Variants in SNX19 observed in about 807,000 individuals in gnomAD.
The protein encoded by SNX19 is sorting nexin-19.
In SNX19, 60 loss-of-function variants were observed where a neutral mutation model predicts 85.2. That is an observed-to-expected ratio of 0.70 (90% confidence interval 0.57 to 0.87). The LOEUF (loss-of-function observed/expected upper bound fraction) is 0.87, where lower values mean the gene tolerates loss of function less well. SNX19 is among the 40% of genes least tolerant of loss of function. The pLI is 0.00. For synonymous variants in SNX19, 520 were observed against 470.0 expected (o/e 1.11, Z -1.38); for missense variants, 1,201 against 1,217.8 (o/e 0.99, Z 0.21).
intron 8 of SNX19, among the ~76,000 whole-genome samples, chr11:130,885,230 C>G (rs1377969620): frequency 6.6e-6 from 1 of 152,160 alleles, no homozygotes; most frequent in African/African-American, 2.4e-5. Context: ...CCAAGACATT[C>G]AAGAGCTTCC....
Position 130,876,771 on chromosome 11 carries a change from C to CAA in SNX19, c.*1649_*1650dup, listed in dbSNP as rs1214481260. On this transcript the variant is annotated 3_prime_UTR_variant, in exon 11 of 11. Coordinates refer to ENST00000265909, the MANE Select transcript of SNX19 (RefSeq NM_014758.3). ...GAGATGCTGAGCTACCTTTTCTTGT[C>CAA]AAAGTCTAGGGCTGGAGATGCTTCA... 1 of 152,644 alleles carries CAA rather than the reference C, an allele frequency of 6.6e-6. No homozygotes were observed. Among genetic ancestry groups the CAA allele is most frequent in the Non-Finnish European group, 1.5e-5 (1 of 68,072 alleles). 9.5% of individuals were successfully genotyped at this position (152,644 alleles called of 1,614,324 possible).
chr11:130,906,815 G>C, intron 5 of SNX19, 94 bp from the exon 6 acceptor site: 1 of 883,064 alleles, frequency 1.1e-6, no homozygotes, highest in South Asian at 1.4e-5. Context: ...AACACAACAA[G>C]AATATCCATA....
chr11:130,908,136 C>A (rs1203293749), intron 4 of SNX19, 53 bp from the exon 5 acceptor site: 16 of 1,596,682 alleles, frequency 1.0e-5, no homozygotes, highest in Middle Eastern at 1.7e-4. Flanking sequence ...AGATGGAAAC[C>A]GCCAAGCAAG....
chr11:130,906,199 T>C (rs1945657164), intron 6 of SNX19, 66 bp from the exon 7 acceptor site: 2 of 1,517,986 alleles, frequency 1.3e-6, no homozygotes, highest in Middle Eastern at 3.5e-4. Flanking sequence ...TGCAGCACTC[T>C]AGGTTTCCCT....
intron 8 of SNX19, among the ~76,000 whole-genome samples, chr11:130,888,017 G>C (rs1269187873): frequency 6.6e-6 from 1 of 151,574 alleles, no homozygotes; most frequent in Non-Finnish European, 1.5e-5. Flanking sequence ...GATTGTGTTA[G>C]CTTTTTGGCA....
chr11:130,904,669 T>C (rs1212001681), intron 7 of SNX19, among the ~76,000 whole-genome samples: 1 of 150,974 alleles, frequency 6.6e-6, no homozygotes, highest in African/African-American at 2.4e-5. Context: ...TACCACCAAG[T>C]CAGTTGCCTT....
At chr11:130,890,832 T>A (rs1300774658) in intron 8 of SNX19, among the ~76,000 whole-genome samples, 1 of 152,050 alleles carries the variant, frequency 6.6e-6, no homozygotes, top group African/African-American at 2.4e-5. Context: ...CTACAACTCC[T>A]ATTTATAAGT....
At chr11:130,900,989 G>A (rs547255425) in intron 8 of SNX19, among the ~76,000 whole-genome samples, 1 of 152,302 alleles carries the variant, frequency 6.6e-6, no homozygotes, top group African/African-American at 2.4e-5. Flanking sequence ...TGTATAAGCT[G>A]CTGGGGAGAC....
rs1313588883 is a variant in SNX19 at position 130,915,285 on chromosome 11, A to G, written c.655T>C (p.Leu219=). ...GGCTTGGGCACCAGCCCTTGAAGCAACAAATTCACAACGCCACGCGTATAG... is the reference window on the plus strand; with the variant it reads ...GGCTTGGGCACCAGCCCTTGAAGCAGCAAATTCACAACGCCACGCGTATAG... ...VTYTRGVVNL[L]LQGLVPKPHL... The change falls in exon 1 of 11, where the codon TTG becomes CTG. Residue 219 remains leucine, a synonymous_variant. Transcript: ENST00000265909. 6.2e-7 allele frequency: 1 copy of G among 1,614,248 alleles called. No individual in the cohort carries two copies. Among genetic ancestry groups the G allele is most frequent in the Admixed American group, 1.7e-5 (1 of 60,036 alleles).
rs1946375477 is a variant in SNX19 at position 130,914,428 on chromosome 11, G to A, written c.1512C>T (p.Ser504=). The A allele has an allele frequency of 1.9e-6, 3 of 1,613,918 alleles. No individual in the cohort carries two copies. The highest frequency in any genetic ancestry group is 2.2e-5 in the East Asian group (1 of 44,862). The change falls in exon 1 of 11, where the codon TCC becomes TCT. Residue 504 remains serine, a synonymous_variant. Transcript: ENST00000265909. The part of the protein sequence containing the change: ...LDPTLPPVLL[S]SSPPGPLSSA... ...AGCTGAGAGGACCAGGTGGAGAGGA[G>A]GAAAGCAGAACTGGTGGCAGAGTAG...
chr11:130,878,699 T>A (rs1053400461), intron 10 of SNX19, 145 bp from the exon 11 acceptor site: 25 of 1,056,260 alleles, frequency 2.4e-5, no homozygotes, highest in South Asian at 3.9e-5. Context: ...ATTAATGTTT[T>A]TTGAACTAAT....
Position 130,915,755 on chromosome 11 carries a change from C to G in SNX19, c.185G>C (p.Gly62Ala). 6.2e-7 allele frequency: 1 copy of G among 1,614,206 alleles called. No individual in the cohort carries two copies. The highest frequency in any genetic ancestry group is 8.5e-7 in the Non-Finnish European group (1 of 1,180,044). ...CLLSALLVVLGGWLGSSLAGV... is the reference protein window; with the variant it reads ...CLLSALLVVLAGWLGSSLAGV... ...AGCGAGGCTGGAGCCCAGCCATCCT[C>G]CCAGCACCACTAGCAATGCCGACAG... is the stretch of plus-strand genomic sequence containing the variant. The change falls in exon 1 of 11, where the codon GGA becomes GCA. Residue 62 changes from glycine (G) to alanine (A), a missense_variant. Coordinates refer to ENST00000265909, the MANE Select transcript of SNX19 (RefSeq NM_014758.3).
At chr11:130,909,733 C>T (rs1330566589) in intron 4 of SNX19, among the ~76,000 whole-genome samples, 1 of 152,172 alleles carries the variant, frequency 6.6e-6, no homozygotes, top group Non-Finnish European at 1.5e-5. Flanking sequence ...CTTCACATGC[C>T]TCCAACAGTA....
In SNX19 at chr11:130,869,213, C is replaced by G. The variant is rs1327366905; in HGVS notation, c.*9209G>C. The G allele has an allele frequency of 6.6e-6, 1 of 152,174 alleles. No homozygotes were observed. The highest frequency in any genetic ancestry group is 1.5e-5 in the Non-Finnish European group (1 of 68,030). 9.4% of individuals were successfully genotyped at this position (152,174 alleles called of 1,614,324 possible). A position where few individuals can be genotyped will look rare whatever the true frequency, so the allele number is the denominator to read the frequency against. On this transcript the variant is annotated 3_prime_UTR_variant, in exon 11 of 11. Coordinates refer to ENST00000265909, the MANE Select transcript of SNX19 (RefSeq NM_014758.3). The stretch of plus-strand genomic sequence containing the variant: ...TGTAGGTGCTTCAAAATGAAGACAG[C>G]TGTGTATGTCTCAGTCAAGCTGTGC...
At chr11:130,899,056 T>G (rs1443037983) in intron 8 of SNX19, among the ~76,000 whole-genome samples, 1 of 152,214 alleles carries the variant, frequency 6.6e-6, no homozygotes, top group East Asian at 1.9e-4. Context: ...TTAGTTTCCT[T>G]GTCTTTAAAA....
At chr11:130,890,981 T>C (rs1045283365) in intron 8 of SNX19, among the ~76,000 whole-genome samples, 2 of 151,430 alleles carry the variant, frequency 1.3e-5, no homozygotes, top group Non-Finnish European at 2.9e-5. Flanking sequence ...GAATTCATGC[T>C]GTATATGGGA....
chr11:130,872,605 T>C lies in SNX19; in HGVS notation c.*5817A>G, dbSNP rs1243243967. Among the ~76,000 whole-genome samples, 5 of 152,138 alleles carry C rather than the reference T, an allele frequency of 3.3e-5. No individual in the cohort carries two copies. The East Asian group carries it at 9.7e-4, about 29-fold the overall frequency. ...ATACCATAAAAGAGTGATGGCAATATGCTAGCTGAAATTCACCCTTCGATG... is the reference window on the plus strand; with the variant it reads ...ATACCATAAAAGAGTGATGGCAATACGCTAGCTGAAATTCACCCTTCGATG... On this transcript the variant is annotated 3_prime_UTR_variant, in exon 11 of 11. Coordinates refer to ENST00000265909, the MANE Select transcript of SNX19 (RefSeq NM_014758.3).
chr11:130,903,205 C>T lies in SNX19; in HGVS notation c.2573+50G>A, dbSNP rs187594992. Reference sequence around the variant, plus strand: ...GGACACTATTCAGCATCACATCCACCTTCTCTGCAACTTGAGATTCTGATG... The same window carrying T: ...GGACACTATTCAGCATCACATCCACTTTCTCTGCAACTTGAGATTCTGATG... On this transcript the variant is annotated intron_variant, in intron 8 of 10. Transcript: ENST00000265909. The T allele has an allele frequency of 1.9e-4, 301 of 1,609,338 alleles. No homozygotes were observed. The African/African-American group carries it at 3.7e-3, about 20-fold the overall frequency.
At chr11:130,895,743 C>T (rs1040607746) in intron 8 of SNX19, among the ~76,000 whole-genome samples, 1 of 152,204 alleles carries the variant, frequency 6.6e-6, no homozygotes, top group Non-Finnish European at 1.5e-5. Context: ...ATGCAATGCT[C>T]AGGCACACGG....
Sources: allele counts gnomAD v4.1 joint callset (sites outside exome capture counted in the v4.1 genomes callset), GRCh38; gene constraint gnomAD v4.1.1; transcripts MANE v1.5; gene names NCBI Gene and HGNC (gene_info 2026-07-23, HGNC 2026-07-21).